CHSY3: variants seen among roughly 807,000 people sequenced by gnomAD.
CHSY3 encodes chondroitin sulfate synthase 3.
In CHSY3, 35 loss-of-function variants were observed where a neutral mutation model predicts 67.2. The observed-to-expected ratio is 0.52, with a 90% confidence interval of 0.40 to 0.69. The LOEUF (loss-of-function observed/expected upper bound fraction) is 0.69, where lower values mean the gene tolerates loss of function less well. Among genes scored for constraint, CHSY3 ranks in the 30% least tolerant of loss-of-function variants. The pLI, the probability that CHSY3 is intolerant of heterozygous loss-of-function variation, is 0.00. For synonymous variants in CHSY3, 474 were observed against 434.7 expected (o/e 1.09, Z -1.12); for missense variants, 1,069 against 1,138.5 (o/e 0.94, Z 0.88).
intron 2 of CHSY3, among the ~76,000 whole-genome samples, chr5:129,944,831 A>T (rs1761803847): frequency 1.3e-5 from 2 of 152,314 alleles, no homozygotes; most frequent in Middle Eastern, 3.4e-3. Context: ...AACAATGCAA[A>T]CAAGTAAAAG....
chr5:130,071,133 AG>A lies in CHSY3; in HGVS notation c.1087-113094del, dbSNP rs534566093. 1.9e-3 allele frequency among the ~76,000 whole-genome samples: 293 copies of A among 152,008 alleles called. 1 individual carries two copies. Among genetic ancestry groups the A allele is most frequent in the African/African-American group, 6.8e-3 (283 of 41,412 alleles). ...ATCTAGTGCCCAACACTGGCAATAA[AG>A]GAACCCAACACTCTCTCTATAATAA... On this transcript the variant is annotated intron_variant, in intron 2 of 2. Coordinates refer to ENST00000305031, the MANE Select transcript of CHSY3 (RefSeq NM_175856.5).
At chr5:129,949,303 A>G (rs559713413) in intron 2 of CHSY3, among the ~76,000 whole-genome samples, 39 of 152,308 alleles carry the variant, frequency 2.6e-4, no homozygotes, top group Middle Eastern at 3.4e-3. Flanking sequence ...ACAAAAAATC[A>G]TAAGAAACTA....
chr5:129,997,132 A>AC (rs1421453150), intron 2 of CHSY3, among the ~76,000 whole-genome samples: 3 of 151,938 alleles, frequency 2.0e-5, no homozygotes, highest in Non-Finnish European at 2.9e-5. Context: ...AAAAAAAAAA[A>AC]AAAACTCTAG....
At chr5:129,963,097 A>G (rs1762380830) in intron 2 of CHSY3, among the ~76,000 whole-genome samples, 1 of 151,810 alleles carries the variant, frequency 6.6e-6, no homozygotes, top group Non-Finnish European at 1.5e-5. Context: ...CGGTCTAGCA[A>G]AACTATGGTG....
intron 2 of CHSY3, among the ~76,000 whole-genome samples, chr5:129,938,748 G>A (rs1205921587): frequency 2.0e-5 from 3 of 152,098 alleles, no homozygotes; most frequent in Admixed American, 1.3e-4. Flanking sequence ...TGAGACCTCC[G>A]CAGACTGGGC....
intron 2 of CHSY3, among the ~76,000 whole-genome samples, chr5:130,048,767 G>A (rs1472534094): frequency 2.0e-5 from 3 of 151,968 alleles, no homozygotes; most frequent in African/African-American, 7.2e-5. Context: ...CAACTTGTGA[G>A]TGAGATGGGG....
chr5:130,096,152 T>C (rs916776199), intron 2 of CHSY3, among the ~76,000 whole-genome samples: 32 of 152,066 alleles, frequency 2.1e-4, no homozygotes, highest in African/African-American at 7.7e-4. Context: ...ACTGCATAAC[T>C]AGAAAAACTG....
At chr5:130,013,404 G>A (rs1764123635) in intron 2 of CHSY3, among the ~76,000 whole-genome samples, 1 of 152,208 alleles carries the variant, frequency 6.6e-6, no homozygotes, top group South Asian at 2.1e-4. Context: ...ACTTGCCCCA[G>A]CAGAGATTCT....
chr5:130,140,461 C>T, intron 2 of CHSY3: 1 of 1,119,568 alleles, frequency 8.9e-7, no homozygotes, highest in East Asian at 2.7e-5. Flanking sequence ...GGTCACAGTG[C>T]CAGCTTACTT....
intron 2 of CHSY3, among the ~76,000 whole-genome samples, chr5:130,100,681 G>T (rs769313677): frequency 2.0e-5 from 3 of 152,106 alleles, no homozygotes; most frequent in Non-Finnish European, 4.4e-5. Flanking sequence ...AGCTTTACGT[G>T]AATTCTATCA....
rs760621485 is a variant in CHSY3, at chr5:130,185,411, G to A, written c.2269G>A (p.Gly757Arg). ...CCAGTATGACCCAAAGGTAACAAAC[G>A]GGGGAAATCCTCCCACTGATGATTA... ...FSQYDPKVTN[G>R]GNPPTDDYFI... Residue 757 changes from glycine to arginine, a missense_variant, in exon 3 of 3, where the codon GGG becomes AGG. Around this residue, in one of 5 missense-constraint regions of CHSY3, gnomAD observed 139 missense variants for 152.8 expected, o/e 0.91. Coordinates refer to ENST00000305031, the MANE Select transcript of CHSY3 (RefSeq NM_175856.5). 1.7e-5 allele frequency: 28 copies of A among 1,613,134 alleles called. No homozygotes were observed. The highest frequency in any genetic ancestry group is 6.7e-5 in the East Asian group (3 of 44,886).
At chr5:130,027,718 G>C (rs1425032787) in intron 2 of CHSY3, among the ~76,000 whole-genome samples, 1 of 151,540 alleles carries the variant, frequency 6.6e-6, no homozygotes, top group Non-Finnish European at 1.5e-5. Flanking sequence ...GAGAACATGC[G>C]GTGTTGCGTT....
At chr5:130,022,276 A>G (rs1256658776) in intron 2 of CHSY3, among the ~76,000 whole-genome samples, 3 of 152,062 alleles carry the variant, frequency 2.0e-5, no homozygotes, top group South Asian at 2.1e-4. Flanking sequence ...GAGTCACACT[A>G]TTCTGTAGCA....
intron 2 of CHSY3, among the ~76,000 whole-genome samples, chr5:129,974,726 G>A (rs1762747018): frequency 6.6e-6 from 1 of 152,100 alleles, no homozygotes; most frequent in South Asian, 2.1e-4. Context: ...GGGCAGCACA[G>A]CACATTGAAA....
chr5:130,128,354 G>A (rs1580762581), intron 2 of CHSY3, among the ~76,000 whole-genome samples: 1 of 151,744 alleles, frequency 6.6e-6, no homozygotes, highest in Non-Finnish European at 1.5e-5. Flanking sequence ...AAAAAATAAG[G>A]AAGTCCTGCC....
At chr5:130,160,891 A>ATTTTTTTTT (rs1171885849) in intron 2 of CHSY3, among the ~76,000 whole-genome samples, 2 of 138,252 alleles carry the variant, frequency 1.4e-5, no homozygotes, top group African/African-American at 3.0e-5. Context: ...TTATTTATTT[A>ATTTTTTTTT]TTTATTTTTT....
intron 2 of CHSY3, among the ~76,000 whole-genome samples, chr5:130,104,966 G>A: frequency 6.6e-6 from 1 of 151,706 alleles, no homozygotes; most frequent in East Asian, 1.9e-4. Context: ...TTATATGCTT[G>A]GAGACAGTTA....
At chr5:130,178,160 G>T in intron 2 of CHSY3, among the ~76,000 whole-genome samples, 4 of 110,188 alleles carry the variant, frequency 3.6e-5, no homozygotes, top group Non-Finnish European at 5.6e-5. Context: ...TCTTTTTTTA[G>T]TATTATATGT....
rs1437944606 is a variant in CHSY3, at chr5:130,111,966, ACT to A, written c.1087-72261_1087-72260del. Among the ~76,000 whole-genome samples, 3 of 152,226 alleles carry A rather than the reference ACT, an allele frequency of 2.0e-5. No individual in the cohort carries two copies. In the East Asian group the frequency reaches 5.8e-4, roughly 29 times the overall value. ...TATCATGTTTATGAGGAATACACTA[ACT>A]CATCCCCATTTACAGAAAAGAATTG... On this transcript the variant is annotated intron_variant, in intron 2 of 2. Coordinates refer to ENST00000305031, the MANE Select transcript of CHSY3 (RefSeq NM_175856.5).
Sources: allele counts gnomAD v4.1 joint callset (sites outside exome capture counted in the v4.1 genomes callset), GRCh38; gene constraint gnomAD v4.1.1; regional missense constraint gnomAD v4.1.1; transcripts MANE v1.5; gene names NCBI Gene and HGNC (gene_info 2026-07-23, HGNC 2026-07-21).